The following ABCA13 variants were observed in gnomAD, a reference collection of about 807,000 sequenced individuals.
ABCA13 encodes the protein ATP binding cassette subfamily A member 13.
ABCA13 carries 476 observed loss-of-function variants against 478.7 expected under a neutral mutation model. The ratio of observed to expected loss-of-function variants is 0.99; its 90% CI spans 0.92 to 1.07. ABCA13 has a LOEUF of 1.07. Among genes scored for constraint, ABCA13 ranks in the 50% least tolerant of loss-of-function variants. The pLI, the probability that ABCA13 is intolerant of heterozygous loss-of-function variation, is 0.00. For synonymous variants in ABCA13, 2,252 were observed against 2,158.9 expected (o/e 1.04, Z -1.20); for missense variants, 6,060 against 5,910.6 (o/e 1.03, Z -0.83).
At chr7:48,356,781 C>A (rs966844915) in intron 31 of ABCA13, among the ~76,000 whole-genome samples, 3 of 152,008 alleles carry the variant, frequency 2.0e-5, no homozygotes, top group Non-Finnish European at 4.4e-5. Context: ...GATTCATAGG[C>A]AGTTATCATA....
At chr7:48,235,318 T>A (rs1789783269) in intron 8 of ABCA13, among the ~76,000 whole-genome samples, 1 of 152,242 alleles carries the variant, frequency 6.6e-6, no homozygotes, top group South Asian at 2.1e-4. Flanking sequence ...TGGCTGACTT[T>A]TATTCTAGTT....
At position 48,245,912 on chromosome 7, in the gene ABCA13, A is replaced by C; in HGVS notation, c.1541A>C (p.Glu514Ala). 1 of 1,613,548 alleles carries C rather than the reference A, an allele frequency of 6.2e-7. No individual in the cohort carries two copies. The highest frequency in any genetic ancestry group is 8.5e-7 in the Non-Finnish European group (1 of 1,179,774). Residue 514 changes from glutamate to alanine, a missense_variant, in exon 13 of 62, where the codon GAG (glutamate) becomes GCG (alanine). Glu to Ala is a moderately radical substitution (Grantham distance 107, BLOSUM62 -1). This residue lies in a region of ABCA13 where 4,423 missense variants were observed against 4,309.1 expected (regional missense o/e 1.03). Transcript: ENST00000435803. ...CCGAATGGTCGTTTCTCTGAGAAGG[A>C]GGTCTTTTTGCCGCCTGGAAACTCC... is the stretch of plus-strand genomic sequence containing the variant. ...VCPNGRFSEK[E>A]VFLPPGNSSI...
chr7:48,216,845 G>A (rs1786553624), intron 3 of ABCA13, among the ~76,000 whole-genome samples: 1 of 152,150 alleles, frequency 6.6e-6, no homozygotes, highest in Admixed American at 6.6e-5. Context: ...CTATAGATTA[G>A]TTTGGAGAGA....
chr7:48,278,565 T>C lies in ABCA13; in HGVS notation c.7371T>C (p.Leu2457=). 1.9e-6 allele frequency: 3 copies of C among 1,613,952 alleles called. No homozygotes were observed. The African/African-American group carries it at 4.0e-5, about 22-fold the overall frequency. ...EVILANLTDL[L]FFINNSFPLR... ...TACTTGCTAATCTAACGGATTTGCT[T>C]TTCTTTATAAATAATTCATTCCCTC... is the stretch of plus-strand genomic sequence containing the variant. Residue 2457 remains leucine, a synonymous_variant, in exon 18 of 62, where the codon CTT becomes CTC. Coordinates refer to ENST00000435803, the MANE Select transcript of ABCA13 (RefSeq NM_152701.5).
chr7:48,364,738 A>AT (rs895017978), intron 31 of ABCA13, among the ~76,000 whole-genome samples: 122 of 152,164 alleles, frequency 8.0e-4, no homozygotes, highest in African/African-American at 2.6e-3. Flanking sequence ...AAATAACAGG[A>AT]TTTTTTCTTT....
intron 5 of ABCA13, 66 bp from the exon 6 acceptor site, chr7:48,227,196 C>A: frequency 6.4e-7 from 1 of 1,564,832 alleles, no homozygotes; most frequent in Non-Finnish European, 8.8e-7. Context: ...TAGCATCTGT[C>A]TGTCTCATTT....
rs538834996 is a variant in ABCA13 at position 48,455,887 on chromosome 7, G to A, written c.12815+601G>A. ...GCAAGAACTCAGAGCTTTCTGGGTT[G>A]CAGATTCATACACAAGGGTTGGGAA... On this transcript the variant is annotated intron_variant, in intron 43 of 61. Coordinates refer to ENST00000435803, the MANE Select transcript of ABCA13 (RefSeq NM_152701.5). 2.6e-5 allele frequency among the ~76,000 whole-genome samples: 4 copies of A among 152,352 alleles called. No individual in the cohort carries two copies. The East Asian group carries it at 7.7e-4, about 29-fold the overall frequency.
intron 44 of ABCA13, among the ~76,000 whole-genome samples, chr7:48,468,194 G>A (rs976476590): frequency 5.3e-5 from 8 of 152,100 alleles, no homozygotes; most frequent in African/African-American, 1.4e-4. Flanking sequence ...ATAATTAAAG[G>A]ACAGCAGAAC....
At chr7:48,247,413 C>A (rs1248815021) in intron 13 of ABCA13, among the ~76,000 whole-genome samples, 2 of 152,024 alleles carry the variant, frequency 1.3e-5, no homozygotes, top group Non-Finnish European at 2.9e-5. Flanking sequence ...TCATACGAAG[C>A]AGGGAACTAT....
intron 52 of ABCA13, 76 bp downstream of exon 52, chr7:48,516,957 G>A (rs1434849881): frequency 1.4e-5 from 21 of 1,470,560 alleles, no homozygotes; most frequent in Middle Eastern, 1.8e-4. Flanking sequence ...TGCCTCTTTT[G>A]TTGCTTTTCT....
chr7:48,430,975 C>G (rs767573248), intron 42 of ABCA13, among the ~76,000 whole-genome samples: 27 of 152,150 alleles, frequency 1.8e-4, no homozygotes, highest in Admixed American at 4.6e-4. Flanking sequence ...TAAACATTTA[C>G]TGCTATAAAT....
At chr7:48,418,307 T>C (rs927371232) in intron 41 of ABCA13, among the ~76,000 whole-genome samples, 1 of 152,230 alleles carries the variant, frequency 6.6e-6, no homozygotes, top group African/African-American at 2.4e-5. Context: ...CCACCAGCAA[T>C]GAATGGGAGT....
chr7:48,263,042 G>C (rs1253045341), intron 15 of ABCA13, among the ~76,000 whole-genome samples: 1 of 151,850 alleles, frequency 6.6e-6, no homozygotes, highest in Non-Finnish European at 1.5e-5. Context: ...TGCTTGTGTT[G>C]CATGTATTGT....
At chr7:48,515,978 C>T (rs1267624379) in intron 51 of ABCA13, among the ~76,000 whole-genome samples, 2 of 152,076 alleles carry the variant, frequency 1.3e-5, no homozygotes, top group Non-Finnish European at 2.9e-5. Context: ...CCACGTACAA[C>T]CCGTGTGTGT....
At chr7:48,486,315 A>G (rs993204804) in intron 47 of ABCA13, among the ~76,000 whole-genome samples, 3 of 152,132 alleles carry the variant, frequency 2.0e-5, no homozygotes, top group African/African-American at 2.4e-5. Context: ...TTCTGAGGCC[A>G]TGTCTTTCAA....
chr7:48,620,032 G>C (rs1405176498), intron 59 of ABCA13, among the ~76,000 whole-genome samples: 1 of 152,172 alleles, frequency 6.6e-6, no homozygotes. Context: ...AGTGAAGTAG[G>C]AATCAGGAGG....
chr7:48,479,038 C>T (rs1390201984), intron 45 of ABCA13, among the ~76,000 whole-genome samples: 1 of 150,348 alleles, frequency 6.7e-6, no homozygotes, highest in Non-Finnish European at 1.5e-5. Flanking sequence ...AGCTCCGCCT[C>T]CTGGGTTCAC....
Position 48,271,950 on chromosome 7 carries a change from T to G in ABCA13, c.2284T>G (p.Ser762Ala), listed in dbSNP as rs1270589421. 2 of 1,613,618 alleles carry G rather than the reference T, an allele frequency of 1.2e-6. No homozygotes were observed. Among genetic ancestry groups the G allele is most frequent in the Admixed American group, 3.3e-5 (2 of 59,978 alleles). ...TGTTCCCAGTTTCCACAGCCTCCCA[T>G]CTCTCACAGAGGATATTCTGAATAT... ...SIVPSFHSLP[S>A]LTEDILNISS... Residue 762 changes from serine to alanine, a missense_variant, in exon 17 of 62, where the codon TCT (serine) becomes GCT (alanine). Ser to Ala is a moderately conservative substitution (Grantham distance 99). Transcript: ENST00000435803.
At chr7:48,371,676 AG>A (rs1173807460) in intron 32 of ABCA13, among the ~76,000 whole-genome samples, 1 of 152,192 alleles carries the variant, frequency 6.6e-6, no homozygotes, top group African/African-American at 2.4e-5. Context: ...TATTAGCTTT[AG>A]GAACTTTTGG....
Sources: allele counts gnomAD v4.1 joint callset (sites outside exome capture counted in the v4.1 genomes callset), GRCh38; gene constraint gnomAD v4.1.1; regional missense constraint gnomAD v4.1.1; transcripts MANE v1.5; gene names NCBI Gene and HGNC (gene_info 2026-07-23, HGNC 2026-07-21).